PCDHGB4: variants seen among roughly 807,000 people sequenced by gnomAD.
PCDHGB4 encodes the protein protocadherin gamma subfamily B, 4, also known as protocadherin gamma-B4.
Under a neutral mutation model 60.5 loss-of-function variants are expected in PCDHGB4, and 38 were observed. The ratio of observed to expected loss-of-function variants is 0.63; its 90% CI spans 0.48 to 0.82. The LOEUF is 0.82. PCDHGB4 is among the 40% of genes least tolerant of loss of function. The pLI, the probability that PCDHGB4 is intolerant of heterozygous loss-of-function variation, is 0.00. For synonymous variants in PCDHGB4, 456 were observed against 509.7 expected, an observed-to-expected ratio of 0.89 and a Z score of 1.42; for missense variants, 1,109 against 1,209.6, an observed-to-expected ratio of 0.92 and a Z score of 1.23.
intron 2 of PCDHGB4, among the ~76,000 whole-genome samples, chr5:141,499,772 C>T (rs1217675128): frequency 1.0e-4 from 15 of 147,946 alleles, no homozygotes; most frequent in Admixed American, 9.0e-4. Context: ...CTGCAGCCTT[C>T]GCCTCCCGGG....
intron 1 of PCDHGB4, among the ~76,000 whole-genome samples, chr5:141,444,933 G>A (rs1004890599): frequency 3.3e-5 from 5 of 152,152 alleles, no homozygotes; most frequent in African/African-American, 1.2e-4. Context: ...AAAGAGGGAA[G>A]GAGGGAGGAG....
rs2099746956 is a variant in PCDHGB4 at position 141,493,207 on chromosome 5, A to C, written c.2398-1600A>C. Among the ~76,000 whole-genome samples, 1 of 152,152 alleles carries C rather than the reference A, an allele frequency of 6.6e-6. No individual in the cohort carries two copies. The highest frequency in any genetic ancestry group is 2.4e-5 in the African/African-American group (1 of 41,442). On this transcript the variant is annotated intron_variant, in intron 1 of 3. Coordinates refer to ENST00000519479, the MANE Select transcript of PCDHGB4 (RefSeq NM_003736.4). The surrounding 1 kb of genome is among the most constrained non-coding windows in gnomAD (Gnocchi z 4.3). ...ATAACTCCTTTGAGAACCTCATCTC[A>C]TTTGCTCTTCCCACCATTGCTGTTG...
chr5:141,399,755 G>A (rs1420211451), intron 1 of PCDHGB4: 1 of 1,613,232 alleles, frequency 6.2e-7, no homozygotes, highest in African/African-American at 1.3e-5. Context: ...GCAAACGTGA[G>A]CCTGCGCGTG....
At chr5:141,466,689 A>G (rs2099127361) in intron 1 of PCDHGB4, among the ~76,000 whole-genome samples, 1 of 152,220 alleles carries the variant, frequency 6.6e-6, no homozygotes, top group Admixed American at 6.5e-5. Context: ...CTCAAGCTTC[A>G]TCATAAATTT....
At chr5:141,393,523 A>G in intron 1 of PCDHGB4, 1 of 1,614,018 alleles carries the variant, frequency 6.2e-7, no homozygotes, top group East Asian at 2.2e-5. Flanking sequence ...GATACAAATG[A>G]CAATGCCCCG....
In PCDHGB4 at chr5:141,413,998, G is replaced by A; in HGVS notation, c.2397+23717G>A. On this transcript the variant is annotated intron_variant, in intron 1 of 3. Transcript: ENST00000519479. The stretch of plus-strand genomic sequence containing the variant: ...GACAGTCACAGCCACCGACAGGGAC[G>A]AAGGTGCCAATGGAGAAGTGACATA... 1 of 1,613,320 alleles carries A rather than the reference G, an allele frequency of 6.2e-7. No individual in the cohort carries two copies. The highest frequency in any genetic ancestry group is 1.6e-4 in the Middle Eastern group (1 of 6,062).
In PCDHGB4 at chr5:141,432,997, G is replaced by T. The variant is rs778828769; in HGVS notation, c.2397+42716G>T. 17 of 1,614,082 alleles carry T rather than the reference G, an allele frequency of 1.1e-5. No homozygotes were observed. The highest frequency in any genetic ancestry group is 4.5e-5 in the East Asian group (2 of 44,864). ...CGCACTTTGTGGGCGTGGACGGGGT[G>T]CAGGCTTTCCTGCAGACCTATTCCC... On this transcript the variant is annotated intron_variant, in intron 1 of 3. Transcript: ENST00000519479. The surrounding 1 kb of genome is among the most constrained non-coding windows in gnomAD (Gnocchi z 6.0).
intron 1 of PCDHGB4, chr5:141,423,466 G>C (rs770939556): frequency 1.2e-6 from 2 of 1,613,904 alleles, no homozygotes; most frequent in Admixed American, 3.3e-5. Context: ...CGTGGACGGG[G>C]TACAGGCTTT....
In PCDHGB4 at chr5:141,428,146, C is replaced by G. The variant is rs549173211; in HGVS notation, c.2397+37865C>G. The G allele has an allele frequency of 1.3e-5, 21 of 1,589,348 alleles. No individual in the cohort carries two copies. The East Asian group carries it at 4.0e-4, about 30-fold the overall frequency. Reference sequence around the variant, plus strand: ...GGGCTTTTCAGCCTGGGGCTGCACACGGGAACCTGCTGGTTGCTGTGCGTG... The same window carrying G: ...GGGCTTTTCAGCCTGGGGCTGCACAGGGGAACCTGCTGGTTGCTGTGCGTG... On this transcript the variant is annotated intron_variant, in intron 1 of 3. Transcript: ENST00000519479.
Position 141,505,388 on chromosome 5 carries a change from C to T in PCDHGB4, c.2457-5C>T, listed in dbSNP as rs756505223. ...TCTGTGCTCACCATCCTACTCTCTCCCCAGCTCCCAAAATGGCGATGACAC... is the reference window on the plus strand; with the variant it reads ...TCTGTGCTCACCATCCTACTCTCTCTCCAGCTCCCAAAATGGCGATGACAC... On this transcript the variant is annotated splice_polypyrimidine_tract_variant and splice_region_variant and intron_variant, in intron 2 of 3. Transcript: ENST00000519479. The T allele has an allele frequency of 6.2e-7, 1 of 1,613,972 alleles. No homozygotes were observed. The highest frequency in any genetic ancestry group is 2.2e-5 in the East Asian group (1 of 44,886).
intron 1 of PCDHGB4, chr5:141,402,889 G>A: frequency 1.3e-6 from 2 of 1,493,808 alleles, no homozygotes; most frequent in South Asian, 1.4e-5. Context: ...CAGGGTGGAA[G>A]AAAGAACCTG....
In PCDHGB4 at chr5:141,476,962, C is replaced by A. The variant is rs2099402286; in HGVS notation, c.2398-17845C>A. On this transcript the variant is annotated intron_variant, in intron 1 of 3. Coordinates refer to ENST00000519479, the MANE Select transcript of PCDHGB4 (RefSeq NM_003736.4). This position sits in a 1 kb window ranked among gnomAD's most constrained non-coding sequence, Gnocchi z 7.6. ...GCCCCAACGGTGAAATTATTTACTCCTTCGGCAGCCACAACCGCGCCGGCG... is the reference window on the plus strand; with the variant it reads ...GCCCCAACGGTGAAATTATTTACTCATTCGGCAGCCACAACCGCGCCGGCG... 2 of 1,614,200 alleles carry A rather than the reference C, an allele frequency of 1.2e-6. No individual in the cohort carries two copies. The highest frequency in any genetic ancestry group is 1.7e-6 in the Non-Finnish European group (2 of 1,180,042).
rs1173306822 is a variant in PCDHGB4 at position 141,431,115 on chromosome 5, T to C, written c.2397+40834T>C. The C allele has an allele frequency of 9.3e-6, 15 of 1,613,492 alleles. No individual in the cohort carries two copies. The highest frequency in any genetic ancestry group is 1.3e-5 in the Non-Finnish European group (15 of 1,179,878). On this transcript the variant is annotated intron_variant, in intron 1 of 3. Coordinates refer to ENST00000519479, the MANE Select transcript of PCDHGB4 (RefSeq NM_003736.4). The surrounding 1 kb of genome is among the most constrained non-coding windows in gnomAD (Gnocchi z 4.8). The stretch of plus-strand genomic sequence containing the variant: ...GAGGATAAAGTGAAAATATATGGAG[T>C]AGAAGTAGAAGTAAGGGACATTAAC...
intron 1 of PCDHGB4, among the ~76,000 whole-genome samples, chr5:141,435,539 C>T (rs75717921): frequency 1.3e-5 from 2 of 152,226 alleles, no homozygotes; most frequent in South Asian, 4.1e-4. Flanking sequence ...TCAGAATTAA[C>T]AAAATGTGTT....
At chr5:141,441,005 C>T (rs772059231) in intron 1 of PCDHGB4, 1 of 152,116 alleles carries the variant, frequency 6.6e-6, no homozygotes, top group Non-Finnish European at 1.5e-5. Context: ...CTAGTTTGGC[C>T]TTGATCAAAT....
chr5:141,502,028 G>A (rs561260963), intron 2 of PCDHGB4, among the ~76,000 whole-genome samples: 62 of 152,150 alleles, frequency 4.1e-4, no homozygotes, highest in African/African-American at 1.5e-3. Flanking sequence ...TGCAACCCCC[G>A]CCGCTTGCCT....
chr5:141,447,048 A>T (rs149112101), intron 1 of PCDHGB4, among the ~76,000 whole-genome samples: 1 of 152,066 alleles, frequency 6.6e-6, no homozygotes, highest in Non-Finnish European at 1.5e-5. Flanking sequence ...CTGGAATTCT[A>T]TTAAAATGTG....
chr5:141,398,083 C>G, intron 1 of PCDHGB4: 1 of 1,599,552 alleles, frequency 6.3e-7, no homozygotes, highest in Non-Finnish European at 8.5e-7. Context: ...TTATTTGTAA[C>G]CTGGCGTCTC....
In PCDHGB4 at chr5:141,431,184, T is replaced by G. The variant is rs754537015; in HGVS notation, c.2397+40903T>G. The G allele has an allele frequency of 5.6e-6, 9 of 1,614,090 alleles. No homozygotes were observed. Among genetic ancestry groups the G allele is most frequent in the Non-Finnish European group, 6.8e-6 (8 of 1,180,050 alleles). ...CGTGAAAGTGAATTAGAAATAAAAA[T>G]TAGTGAAAATGCAGCCACTGAGATG... On this transcript the variant is annotated intron_variant, in intron 1 of 3. Transcript: ENST00000519479. The surrounding 1 kb of genome is among the most constrained non-coding windows in gnomAD (Gnocchi z 4.8).
Sources: allele counts gnomAD v4.1 joint callset (sites outside exome capture counted in the v4.1 genomes callset), GRCh38; gene constraint gnomAD v4.1.1; non-coding constraint Gnocchi (gnomAD v3.1); transcripts MANE v1.5; gene names NCBI Gene and HGNC (gene_info 2026-07-23, HGNC 2026-07-21).